Variants in RICTOR observed in about 807,000 individuals in gnomAD.
RICTOR encodes rapamycin-insensitive companion of mTOR.
In RICTOR, 49 loss-of-function variants were observed where a neutral mutation model predicts 214.9. That is an observed-to-expected ratio of 0.23 (90% CI 0.18 to 0.29). The LOEUF (loss-of-function observed/expected upper bound fraction) is 0.29. RICTOR is among the 10% of genes least tolerant of loss of function. The probability of loss-of-function intolerance (pLI) is 1.00; values close to 1 mark genes in which losing one functional copy is unlikely to be tolerated. For synonymous variants in RICTOR, 717 were observed against 711.3 expected, an observed-to-expected ratio of 1.01 and a Z score of -0.13; for missense variants, 1,625 against 2,047.0, an observed-to-expected ratio of 0.79 and a Z score of 3.98.
chr5:38,958,868 ACTTCAGC>A, intron 22 of RICTOR, 37 bp from the exon 23 acceptor site: 6 of 1,309,614 alleles, frequency 4.6e-6, no homozygotes, highest in Non-Finnish European at 6.1e-6. Flanking sequence ...AAAAAAAAAA[ACTTCAGC>A]ATAAATAGCC....
intron 2 of RICTOR, among the ~76,000 whole-genome samples, chr5:39,029,959 T>C (rs1756144950): frequency 6.6e-6 from 1 of 152,180 alleles, no homozygotes; most frequent in South Asian, 2.1e-4. Flanking sequence ...AAATTAACTT[T>C]TATTATATGA....
chr5:38,990,964 T>C lies in RICTOR; in HGVS notation c.568A>G (p.Ile190Val), dbSNP rs1426933399. The C allele has an allele frequency of 2.5e-6, 4 of 1,600,472 alleles. No homozygotes were observed. Among genetic ancestry groups the C allele is most frequent in the Admixed American group, 3.4e-5 (2 of 58,330 alleles). ...RDRMVRACIA[I>V]ICELALQNPE... is the part of the protein sequence containing the mutation. ...AAATTCTGACCTAGTTCACAGATAA[T>C]GGCAATGCATGCTCGGACCATTCTG... is the stretch of plus-strand genomic sequence containing the variant. The change falls in exon 7 of 38, where the codon ATT becomes GTT. Residue 190 changes from isoleucine (I) to valine (V), a missense_variant. Around this residue, in one of 5 missense-constraint regions of RICTOR, gnomAD observed 258 missense variants for 393.7 expected, o/e 0.66. Transcript: ENST00000357387.
chr5:38,994,370 G>A (rs551326746), intron 6 of RICTOR, among the ~76,000 whole-genome samples: 115 of 131,936 alleles, frequency 8.7e-4, no homozygotes, highest in Admixed American at 2.1e-3. Context: ...GGTCCCAAGC[G>A]TTTTGGATAA....
intron 11 of RICTOR, chr5:38,971,431 G>A (rs191443027): frequency 2.0e-5 from 3 of 150,350 alleles, no homozygotes; most frequent in African/African-American, 7.5e-5. Context: ...GGAGTGCAAT[G>A]GCGCTATCTC....
At chr5:39,044,143 A>AT (rs1237626846) in intron 2 of RICTOR, among the ~76,000 whole-genome samples, 2 of 152,204 alleles carry the variant, frequency 1.3e-5, no homozygotes, top group African/African-American at 2.4e-5. Context: ...AAACCAAAAT[A>AT]TTTAAAAATG....
chr5:38,990,713 T>TATCTGATATATATCAG (rs1561502469), intron 7 of RICTOR, among the ~76,000 whole-genome samples: 3 of 118,840 alleles, frequency 2.5e-5, no homozygotes, highest in African/African-American at 9.1e-5. Context: ...AGATATGATA[T>TATCTGATATATATCAG]ATATGATATA....
At chr5:38,975,828 T>C (rs1022586783) in intron 9 of RICTOR, among the ~76,000 whole-genome samples, 2 of 152,216 alleles carry the variant, frequency 1.3e-5, no homozygotes, top group African/African-American at 4.8e-5. Context: ...ATTCTGCTTT[T>C]CTACTCAGTT....
intron 15 of RICTOR, among the ~76,000 whole-genome samples, chr5:38,965,116 C>G (rs950014151): frequency 6.6e-6 from 1 of 151,794 alleles, no homozygotes; most frequent in African/African-American, 2.4e-5. Context: ...TTAACATAAC[C>G]ATTAAGTTTC....
intron 9 of RICTOR, among the ~76,000 whole-genome samples, chr5:38,976,976 C>T (rs1233778897): frequency 6.6e-6 from 1 of 152,158 alleles, no homozygotes; most frequent in Non-Finnish European, 1.5e-5. Context: ...TATTGTCTAG[C>T]AGAGCATAAG....
chr5:39,051,884 CAT>C (rs1453677626), intron 2 of RICTOR, among the ~76,000 whole-genome samples: 1 of 152,228 alleles, frequency 6.6e-6, no homozygotes, highest in African/African-American at 2.4e-5. Flanking sequence ...AAAATTAATA[CAT>C]AGTCACCTAC....
chr5:39,046,022 T>TC, intron 2 of RICTOR, among the ~76,000 whole-genome samples: 1 of 59,416 alleles, frequency 1.7e-5, no homozygotes, highest in South Asian at 4.7e-4. Context: ...ACTAGCTCTG[T>TC]CTTTAAAAAT....
intron 8 of RICTOR, among the ~76,000 whole-genome samples, chr5:38,978,990 G>A (rs761674085): frequency 6.6e-6 from 1 of 152,076 alleles, no homozygotes; most frequent in Non-Finnish European, 1.5e-5. Context: ...CAAGATAACC[G>A]TCTTGACTTC....
rs750970144 is a variant in RICTOR, at chr5:38,949,805, G to C, written c.4043C>G (p.Ser1348Cys). 2.5e-6 allele frequency: 4 copies of C among 1,613,396 alleles called. No individual in the cohort carries two copies. Among genetic ancestry groups the C allele is most frequent in the African/African-American group, 2.7e-5 (2 of 74,898 alleles). ...QQRMHPSLSH[S>C]EALASPAKDV... ...TTTTGCTGGAGATGCCAAAGCTTCA[G>C]AGTGAGATAAGGATGGATGCATTCT... The change falls in exon 31 of 38, where the codon TCT (serine) becomes TGT (cysteine). Residue 1348 changes from serine (S) to cysteine (C), a missense_variant. By Grantham distance (112) the Ser-to-Cys change is moderately radical. Transcript: ENST00000357387.
intron 3 of RICTOR, among the ~76,000 whole-genome samples, chr5:39,015,713 A>G (rs1754892102): frequency 6.6e-6 from 1 of 152,124 alleles, no homozygotes. Context: ...ACTATTAAGC[A>G]GACTCACCAT....
chr5:39,052,930 T>C (rs571941435), intron 2 of RICTOR, among the ~76,000 whole-genome samples: 1 of 152,296 alleles, frequency 6.6e-6, no homozygotes, highest in South Asian at 2.1e-4. Context: ...AAAGTTTGGC[T>C]TACTAAGAAT....
chr5:38,955,536 A>G, intron 26 of RICTOR, 59 bp downstream of exon 26: 1 of 941,946 alleles, frequency 1.1e-6, no homozygotes, highest in Non-Finnish European at 1.7e-6. Flanking sequence ...ACAAAAACTC[A>G]GAAATGTTAA....
At chr5:39,041,318 C>G (rs927318802) in intron 2 of RICTOR, among the ~76,000 whole-genome samples, 28 of 152,050 alleles carry the variant, frequency 1.8e-4, no homozygotes, top group African/African-American at 6.5e-4. Flanking sequence ...CTTCAGAAAA[C>G]AGGATGATGA....
At chr5:38,968,572 T>C (rs1750432830) in intron 11 of RICTOR, among the ~76,000 whole-genome samples, 1 of 151,708 alleles carries the variant, frequency 6.6e-6, no homozygotes. Flanking sequence ...ACCCCATCTC[T>C]ACAAAAAATT....
intron 25 of RICTOR, among the ~76,000 whole-genome samples, chr5:38,956,121 T>C (rs545018323): frequency 5.2e-4 from 79 of 152,178 alleles, no homozygotes; most frequent in Admixed American, 1.2e-3. Flanking sequence ...ATTCTGTCCA[T>C]CTTATTTTGA....
Sources: gnomAD v4.1 joint callset for allele counts (sites outside exome capture counted in the v4.1 genomes callset) on GRCh38, gnomAD v4.1.1 for gene constraint, gnomAD v4.1.1 regional missense constraint, MANE v1.5 for transcripts, NCBI Gene and HGNC (gene_info 2026-07-23, HGNC 2026-07-21) for gene names.